Variants in FYCO1 observed in about 807,000 individuals in gnomAD.
The protein encoded by FYCO1 is FYVE and coiled-coil domain autophagy adaptor 1.
FYCO1 carries 122 observed loss-of-function variants against 165.1 expected under a neutral mutation model. The ratio of observed to expected loss-of-function variants is 0.74; its 90% CI spans 0.64 to 0.86. The LOEUF is 0.86. FYCO1 is among the 40% of genes least tolerant of loss of function. The probability of loss-of-function intolerance (pLI) is 0.00; values close to 1 mark genes in which losing one functional copy is unlikely to be tolerated. For missense variants in FYCO1, 1,702 were observed against 1,810.3 expected, an observed-to-expected ratio of 0.94 and a Z score of 1.09; for synonymous variants, 648 against 742.5, an observed-to-expected ratio of 0.87 and a Z score of 2.07.
Position 45,988,622 on chromosome 3 carries a change from C to T in FYCO1, c.-112-3600G>A, listed in dbSNP as rs142462233. On this transcript the variant is annotated intron_variant, in intron 1 of 17. Coordinates refer to ENST00000296137, the MANE Select transcript of FYCO1 (RefSeq NM_024513.4). Reference sequence around the variant, plus strand: ...GCACAACATGTAAAAACCTTCGTTGCTGTCTCTGACAGGCTCTTTCAAATA... The same window carrying T: ...GCACAACATGTAAAAACCTTCGTTGTTGTCTCTGACAGGCTCTTTCAAATA... Among the ~76,000 whole-genome samples the T allele has an allele frequency of 3.9e-5, 6 of 152,310 alleles. No individual in the cohort carries two copies. In the East Asian group the frequency reaches 1.2e-3, roughly 29 times the overall value.
chr3:45,995,438 G>T (rs929323112), intron 1 of FYCO1, among the ~76,000 whole-genome samples: 6 of 152,226 alleles, frequency 3.9e-5, no homozygotes, highest in African/African-American at 4.8e-5. Context: ...TCCTTTGCGG[G>T]CCCTCCGCCC....
chr3:45,940,813 C>T (rs1275875370), intron 14 of FYCO1: 3 of 152,340 alleles, frequency 2.0e-5, no homozygotes, highest in Non-Finnish European at 2.9e-5. Context: ...GGAGGCAAGA[C>T]TTGAGTTGCT....
rs367874819 is a variant in FYCO1 at position 45,946,653 on chromosome 3, T to G, written c.3944+8596A>C. 3.7e-6 allele frequency: 6 copies of G among 1,614,104 alleles called. No homozygotes were observed. The African/African-American group carries it at 6.7e-5, about 18-fold the overall frequency. On this transcript the variant is annotated intron_variant, in intron 14 of 17. Transcript: ENST00000296137. ...CTCTCTGGTGCTGGTCATATCCATC[T>G]TCTACCATAAGTTGCAGAGCCTGAC...
intron 2 of FYCO1, chr3:45,984,603 T>C: frequency 1.6e-6 from 1 of 606,934 alleles, no homozygotes; most frequent in Non-Finnish European, 3.0e-6. Flanking sequence ...TCAGACCCAG[T>C]CCTGGAGCCG....
At chr3:45,977,350 AAT>A (rs57543574) in intron 4 of FYCO1, among the ~76,000 whole-genome samples, 51 of 112,528 alleles carry the variant, frequency 4.5e-4, no homozygotes, top group South Asian at 6.1e-4. Flanking sequence ...AACTGAATTA[AAT>A]ATATATATAT....
At chr3:45,948,263 G>A (rs1408503702) in intron 14 of FYCO1, 1 of 166,980 alleles carries the variant, frequency 6.0e-6, no homozygotes, top group Non-Finnish European at 1.5e-5. Flanking sequence ...GTATGTAAAT[G>A]TATATACCCA....
At chr3:45,988,463 C>G (rs554805759) in intron 1 of FYCO1, among the ~76,000 whole-genome samples, 6 of 152,292 alleles carry the variant, frequency 3.9e-5, no homozygotes, top group Admixed American at 1.3e-4. Context: ...AAATGGCTCT[C>G]CTAACTCAGG....
rs758953237 is a variant in FYCO1 at position 45,979,702 on chromosome 3, T to C, written c.288+3A>G. On this transcript the variant is annotated splice_donor_region_variant and intron_variant, in intron 4 of 17. Coordinates refer to ENST00000296137, the MANE Select transcript of FYCO1 (RefSeq NM_024513.4). ...GAAGTTGTTGGCTGCTTGCTCAGCT[T>C]ACCTCTGAGATAGACTTGACAAAGC... The C allele has an allele frequency of 1.9e-6, 3 of 1,613,858 alleles. No individual in the cohort carries two copies. The South Asian group carries it at 3.3e-5, about 18-fold the overall frequency.
chr3:45,949,088 G>A (rs1050495080), intron 14 of FYCO1, among the ~76,000 whole-genome samples: 2 of 152,182 alleles, frequency 1.3e-5, no homozygotes, highest in Admixed American at 6.5e-5. Flanking sequence ...GTGCCTTCCA[G>A]GTGTGTGGCA....
intron 14 of FYCO1, among the ~76,000 whole-genome samples, chr3:45,952,474 C>T (rs1294675083): frequency 6.6e-6 from 1 of 152,154 alleles, no homozygotes; most frequent in Non-Finnish European, 1.5e-5. Flanking sequence ...AAAAAAGTGT[C>T]TGACAACGCA....
rs1218269503 is a variant in FYCO1, at chr3:45,968,060, C to T, written c.1274G>A (p.Ser425Asn). ...TKVEEVNRQQSAQLEQLVKEL... is the reference protein window; with the variant it reads ...TKVEEVNRQQNAQLEQLVKEL... ...CTTGACCAGCTGTTCCAGTTGGGCA[C>T]TCTGCTGTCTGTTGACCTCCTCGAC... Residue 425 changes from serine (S) to asparagine (N), a missense_variant, in exon 8 of 18, where the codon AGT becomes AAT. Ser to Asn is a conservative substitution (Grantham distance 46). Transcript: ENST00000296137. 6.8e-6 allele frequency: 11 copies of T among 1,614,086 alleles called. No individual in the cohort carries two copies. Among genetic ancestry groups the T allele is most frequent in the African/African-American group, 5.3e-5 (4 of 74,918 alleles).
intron 14 of FYCO1, among the ~76,000 whole-genome samples, chr3:45,942,891 C>A (rs745829057): frequency 6.6e-6 from 1 of 152,158 alleles, no homozygotes; most frequent in Non-Finnish European, 1.5e-5. Flanking sequence ...TCTGGCAGAC[C>A]CATCATCATG....
intron 13 of FYCO1, among the ~76,000 whole-genome samples, chr3:45,957,238 C>T (rs1230790515): frequency 6.6e-6 from 1 of 152,194 alleles, no homozygotes; most frequent in Non-Finnish European, 1.5e-5. Flanking sequence ...TTGCACCATA[C>T]ACAAAGATAA....
chr3:45,948,824 T>C (rs1482837242), intron 14 of FYCO1, among the ~76,000 whole-genome samples: 3 of 152,166 alleles, frequency 2.0e-5, no homozygotes, highest in Non-Finnish European at 2.9e-5. Context: ...TTGTAAGACC[T>C]TGGGCGAATC....
intron 14 of FYCO1, 94 bp from the exon 15 acceptor site, chr3:45,936,637 A>C: frequency 1.2e-6 from 1 of 848,694 alleles, no homozygotes. Context: ...CAGGCAGCCA[A>C]ATCCAGATGC....
intron 6 of FYCO1, among the ~76,000 whole-genome samples, chr3:45,971,768 A>G (rs1706462068): frequency 6.6e-6 from 1 of 152,236 alleles, no homozygotes; most frequent in African/African-American, 2.4e-5. Flanking sequence ...GCAATTAATG[A>G]ATTAACAATT....
chr3:45,958,735 C>G lies in FYCO1; in HGVS notation c.3588-116G>C. 5 of 976,100 alleles carry G rather than the reference C, an allele frequency of 5.1e-6. No individual in the cohort carries two copies. The South Asian group carries it at 5.3e-5, about 10-fold the overall frequency. The allele number at this position is 976,100 out of a possible 1,614,324, so 60.5% of individuals were successfully genotyped here. On this transcript the variant is annotated intron_variant, in intron 12 of 17. Transcript: ENST00000296137. ...TGACTCTCATCAGACCTGGCTCTGCCCCCAAGTTAGGATGTGGCCATGAGC... is the reference window on the plus strand; with the variant it reads ...TGACTCTCATCAGACCTGGCTCTGCGCCCAAGTTAGGATGTGGCCATGAGC...
intron 15 of FYCO1, among the ~76,000 whole-genome samples, chr3:45,932,182 G>A (rs1372201489): frequency 1.3e-5 from 2 of 152,200 alleles, no homozygotes; most frequent in Non-Finnish European, 2.9e-5. Context: ...CTTCCAGGCC[G>A]AGTGGCACCA....
intron 2 of FYCO1, among the ~76,000 whole-genome samples, chr3:45,984,126 AAG>A (rs2125873542): frequency 6.6e-6 from 1 of 152,318 alleles, no homozygotes; most frequent in African/African-American, 2.4e-5. Context: ...TAGAGCTCCG[AAG>A]AGCTTAAAGG....
Sources: allele counts gnomAD v4.1 joint callset (sites outside exome capture counted in the v4.1 genomes callset), GRCh38; gene constraint gnomAD v4.1.1; transcripts MANE v1.5; gene names NCBI Gene and HGNC (gene_info 2026-07-23, HGNC 2026-07-21).